Variants in MARCHF8 observed in about 807,000 individuals in gnomAD.
MARCHF8 encodes membrane associated ring-CH-type finger 8.
A neutral mutation model predicts 51.6 loss-of-function variants in MARCHF8; 40 were observed. That is an observed-to-expected ratio of 0.77 (90% CI 0.60 to 1.01). The LOEUF is 1.01. Ranked by LOEUF, MARCHF8 falls within the 50% of genes least tolerant of loss-of-function variation. The pLI, the probability that MARCHF8 is intolerant of heterozygous loss-of-function variation, is 0.00. For synonymous variants in MARCHF8, 263 were observed against 280.3 expected, an observed-to-expected ratio of 0.94 and a Z score of 0.62; for missense variants, 685 against 708.6, an observed-to-expected ratio of 0.97 and a Z score of 0.38.
intron 1 of MARCHF8, among the ~76,000 whole-genome samples, chr10:45,574,228 C>A (rs1322205929): frequency 6.6e-6 from 1 of 152,134 alleles, no homozygotes; most frequent in Non-Finnish European, 1.5e-5. Flanking sequence ...AGGATTAAAG[C>A]CTGTTATCAC....
At chr10:45,489,117 T>C (rs1039142344) in intron 3 of MARCHF8, among the ~76,000 whole-genome samples, 5 of 152,196 alleles carry the variant, frequency 3.3e-5, no homozygotes, top group African/African-American at 1.2e-4. Flanking sequence ...TTCTTCTGCC[T>C]TAAAGTATAT....
chr10:45,479,259 T>C (rs2042842163), intron 3 of MARCHF8, among the ~76,000 whole-genome samples: 1 of 152,158 alleles, frequency 6.6e-6, no homozygotes, highest in African/African-American at 2.4e-5. Context: ...ATCATCTCAA[T>C]AGAAGCAGAA....
chr10:45,498,139 CACACAATGTAA>C (rs1310720285), intron 2 of MARCHF8, among the ~76,000 whole-genome samples: 15 of 152,184 alleles, frequency 9.9e-5, no homozygotes, highest in Non-Finnish European at 2.1e-4. Context: ...TGGCAAAATA[CACACAATGTAA>C]ACACACCATC....
intron 3 of MARCHF8, among the ~76,000 whole-genome samples, chr10:45,482,775 C>T (rs1400561255): frequency 6.6e-6 from 1 of 152,036 alleles, no homozygotes; most frequent in Non-Finnish European, 1.5e-5. Flanking sequence ...CAAACAACAA[C>T]AACAAAACAA....
At chr10:45,460,238 C>T (rs1033845699) in intron 6 of MARCHF8, among the ~76,000 whole-genome samples, 2 of 152,288 alleles carry the variant, frequency 1.3e-5, no homozygotes, top group South Asian at 2.1e-4. Flanking sequence ...CTACAACGCA[C>T]GTAGCTTGAC....
At chr10:45,518,983 G>C (rs1302922636) in intron 2 of MARCHF8, among the ~76,000 whole-genome samples, 1 of 152,178 alleles carries the variant, frequency 6.6e-6, no homozygotes, top group African/African-American at 2.4e-5. Flanking sequence ...TACAAAAGAA[G>C]TAACAAGGAT....
rs190441610 is a variant in MARCHF8, at chr10:45,460,745, G to A, written c.1269+486C>T. Reference sequence around the variant, plus strand: ...TGAAGACAGTTGCACATCACGCAACGTTTGTGCTTCCTTTCTTTTCCCTAT... The same window carrying A: ...TGAAGACAGTTGCACATCACGCAACATTTGTGCTTCCTTTCTTTTCCCTAT... On this transcript the variant is annotated intron_variant, in intron 6 of 7. Transcript: ENST00000453424. 4.5e-4 allele frequency among the ~76,000 whole-genome samples: 68 copies of A among 152,244 alleles called. 1 individual carries two copies. Among genetic ancestry groups the A allele is most frequent in the Admixed American group, 2.7e-3 (41 of 15,296 alleles).
intron 2 of MARCHF8, among the ~76,000 whole-genome samples, chr10:45,498,319 C>A (rs532261853): frequency 6.6e-6 from 1 of 152,112 alleles, no homozygotes; most frequent in African/African-American, 2.4e-5. Flanking sequence ...ATCTTCCTAC[C>A]CCCGAAATAT....
intron 1 of MARCHF8, among the ~76,000 whole-genome samples, chr10:45,564,510 T>C (rs556065408): frequency 1.1e-3 from 163 of 152,146 alleles, no homozygotes; most frequent in African/African-American, 3.8e-3. Flanking sequence ...CATTATGACA[T>C]GTACATAATC....
At position 45,458,347 on chromosome 10, in the gene MARCHF8, T is replaced by A. The variant is rs763669805; in HGVS notation, c.1614A>T (p.Thr538=). Residue 538 remains threonine (T), a synonymous_variant, in exon 8 of 8, where the codon ACA becomes ACT. Coordinates refer to ENST00000453424, the MANE Select transcript of MARCHF8 (RefSeq NM_001282866.2). ...KKNIFEKSPL[T]EPNFENKHGY... is the part of the protein sequence containing the mutation. Reference sequence around the variant, plus strand: ...CATGTTTATTTTCAAAGTTGGGCTCTGTTAGTGGAGATTTTTCAAAAATAT... The same window carrying A: ...CATGTTTATTTTCAAAGTTGGGCTCAGTTAGTGGAGATTTTTCAAAAATAT... 1 of 1,614,106 alleles carries A rather than the reference T, an allele frequency of 6.2e-7. No individual in the cohort carries two copies. Among genetic ancestry groups the A allele is most frequent in the African/African-American group, 1.3e-5 (1 of 74,960 alleles).
chr10:45,510,884 C>A (rs2043486911), intron 2 of MARCHF8, among the ~76,000 whole-genome samples: 1 of 152,136 alleles, frequency 6.6e-6, no homozygotes, highest in Non-Finnish European at 1.5e-5. Context: ...ATGAAGATGA[C>A]CCCTTTGGTT....
At chr10:45,506,399 C>T (rs902317887) in intron 2 of MARCHF8, among the ~76,000 whole-genome samples, 9 of 152,138 alleles carry the variant, frequency 5.9e-5, no homozygotes, top group Admixed American at 3.9e-4. Flanking sequence ...AATAAACTAG[C>T]GTTACTTCTA....
At chr10:45,504,239 A>G (rs1444466222) in intron 2 of MARCHF8, among the ~76,000 whole-genome samples, 1 of 152,202 alleles carries the variant, frequency 6.6e-6, no homozygotes, top group Non-Finnish European at 1.5e-5. Context: ...TGAGGCTGGG[A>G]GTTCAAGACC....
At chr10:45,507,220 G>A (rs779137874) in intron 2 of MARCHF8, among the ~76,000 whole-genome samples, 20 of 152,044 alleles carry the variant, frequency 1.3e-4, no homozygotes, top group Non-Finnish European at 2.5e-4. Flanking sequence ...TGAGGTAGTA[G>A]GATGGGTTTT....
chr10:45,545,317 G>A (rs2044106425), intron 1 of MARCHF8, among the ~76,000 whole-genome samples: 1 of 152,208 alleles, frequency 6.6e-6, no homozygotes, highest in Non-Finnish European at 1.5e-5. Context: ...CAATCTCCCT[G>A]AGACAGCAGG....
At chr10:45,486,631 G>C (rs776855794) in intron 3 of MARCHF8, among the ~76,000 whole-genome samples, 1 of 151,952 alleles carries the variant, frequency 6.6e-6, no homozygotes, top group Non-Finnish European at 1.5e-5. Context: ...AAATAATAAA[G>C]CTACCATTAA....
At chr10:45,533,900 T>C (rs1212366023) in intron 1 of MARCHF8, among the ~76,000 whole-genome samples, 1 of 152,140 alleles carries the variant, frequency 6.6e-6, no homozygotes, top group African/African-American at 2.4e-5. Context: ...AGCATGTAAA[T>C]GGGCCGGGTG....
At chr10:45,586,826 A>G (rs2044623643) in intron 1 of MARCHF8, among the ~76,000 whole-genome samples, 1 of 151,942 alleles carries the variant, frequency 6.6e-6, no homozygotes, top group African/African-American at 2.4e-5. Context: ...TTCTTAATTT[A>G]CTGAAGTTCT....
At chr10:45,576,370 T>C (rs912280112) in intron 1 of MARCHF8, among the ~76,000 whole-genome samples, 4 of 152,282 alleles carry the variant, frequency 2.6e-5, no homozygotes, top group Admixed American at 1.3e-4. Flanking sequence ...AGATTGATCA[T>C]AGATCTGAAC....
Sources: gnomAD v4.1 joint callset for allele counts (sites outside exome capture counted in the v4.1 genomes callset) on GRCh38, gnomAD v4.1.1 for gene constraint, MANE v1.5 for transcripts, NCBI Gene and HGNC (gene_info 2026-07-23, HGNC 2026-07-21) for gene names.